The following MAPT variants were observed in gnomAD, a reference collection of about 807,000 sequenced individuals.
MAPT encodes the protein microtubule-associated protein tau.
Under a neutral mutation model 67.9 loss-of-function variants are expected in MAPT, and 34 were observed. The ratio of observed to expected loss-of-function variants is 0.50; its 90% CI spans 0.38 to 0.67. The LOEUF (loss-of-function observed/expected upper bound fraction) is 0.67. Among genes scored for constraint, MAPT ranks in the 30% least tolerant of loss-of-function variants. MAPT has a pLI of 0.00. For synonymous variants in MAPT, 456 were observed against 464.5 expected (o/e 0.98, Z 0.23); for missense variants, 881 against 1,115.2 (o/e 0.79, Z 2.99).
At position 45,950,562 on chromosome 17, in the gene MAPT, A is replaced by ACAC. The variant is rs1395657059; in HGVS notation, c.-17-11757_-17-11755dup. Among the ~76,000 whole-genome samples, 5 of 152,166 alleles carry ACAC rather than the reference A, an allele frequency of 3.3e-5. No homozygotes were observed. The East Asian group carries it at 9.7e-4, about 29-fold the overall frequency. Reference sequence around the variant, plus strand: ...GCCACGCACTCCCCTTCCTGCACACACACCCTTCTCCCTCCACCCCATCTC... The same window carrying ACAC: ...GCCACGCACTCCCCTTCCTGCACACACACCACCCTTCTCCCTCCACCCCATCTC... On this transcript the variant is annotated intron_variant, in intron 1 of 12. Transcript: ENST00000262410.
intron 9 of MAPT, chr17:45,999,187 C>T: frequency 6.6e-7 from 1 of 1,504,998 alleles, no homozygotes. Flanking sequence ...CCATCTCCTC[C>T]AGGAAGTCTT....
intron 9 of MAPT, among the ~76,000 whole-genome samples, chr17:46,005,588 TA>T (rs1439793965): frequency 6.8e-6 from 1 of 146,882 alleles, no homozygotes; most frequent in Non-Finnish European, 1.6e-5. Flanking sequence ...CCATTAAAAC[TA>T]TTTTTTTTTA....
In MAPT at chr17:46,026,185, C is replaced by A. The variant is rs2076800272; in HGVS notation, c.*2014C>A. 1 of 152,526 alleles carries A rather than the reference C, an allele frequency of 6.6e-6. No homozygotes were observed. The highest frequency in any genetic ancestry group is 1.5e-5 in the Non-Finnish European group (1 of 68,040). The allele number at this position is 152,526 out of a possible 1,614,324, so 9.4% of individuals were successfully genotyped here. On this transcript the variant is annotated 3_prime_UTR_variant, in exon 13 of 13. Transcript: ENST00000262410. ...GGTGTCTCTCACCCCCACACTGGGA[C>A]TCGTGTGGCCTGTGTGGTGCCACCC...
chr17:45,953,266 A>G (rs1354914461), intron 1 of MAPT, among the ~76,000 whole-genome samples: 1 of 152,224 alleles, frequency 6.6e-6, no homozygotes, highest in African/African-American at 2.4e-5. Context: ...CTCCAGGGAC[A>G]TCTTTCTGGG....
chr17:45,949,288 C>T (rs974432907), intron 1 of MAPT, among the ~76,000 whole-genome samples: 84 of 152,378 alleles, frequency 5.5e-4, no homozygotes, highest in African/African-American at 2.0e-3. Context: ...GCCGGGGCCG[C>T]TCCACGGCCG....
intron 9 of MAPT, among the ~76,000 whole-genome samples, chr17:46,003,404 T>A (rs1383662807): frequency 6.6e-6 from 1 of 151,998 alleles, no homozygotes; most frequent in Non-Finnish European, 1.5e-5. Context: ...TCAGCCTCCC[T>A]AGTAGCTGGG....
intron 1 of MAPT, among the ~76,000 whole-genome samples, chr17:45,920,993 A>G (rs926563385): frequency 3.3e-5 from 5 of 152,246 alleles, no homozygotes; most frequent in South Asian, 2.1e-4. Context: ...GTTGTACAGC[A>G]TGATGAACAA....
At chr17:45,917,895 T>C (rs1045571007) in intron 1 of MAPT, among the ~76,000 whole-genome samples, 5 of 151,962 alleles carry the variant, frequency 3.3e-5, no homozygotes, top group African/African-American at 1.2e-4. Context: ...TGTCTCGGCC[T>C]CCCGAGCAGC....
chr17:46,026,259 C>A lies in MAPT; in HGVS notation c.*2088C>A, dbSNP rs1360463210. On this transcript the variant is annotated 3_prime_UTR_variant, in exon 13 of 13. Transcript: ENST00000262410. Reference sequence around the variant, plus strand: ...AAGGCTTTCCTCAGCACCTGGGACCCAACAGAGACCAGCTTCTAGCAGCTA... The same window carrying A: ...AAGGCTTTCCTCAGCACCTGGGACCAAACAGAGACCAGCTTCTAGCAGCTA... 1 of 152,652 alleles carries A rather than the reference C, an allele frequency of 6.6e-6. No homozygotes were observed. The highest frequency in any genetic ancestry group is 2.4e-5 in the African/African-American group (1 of 41,426). The allele number at this position is 152,652 out of a possible 1,614,324, so 9.5% of individuals were successfully genotyped here.
At chr17:45,919,913 A>AAAACAAACAAAC (rs901129137) in intron 1 of MAPT, among the ~76,000 whole-genome samples, 5 of 152,278 alleles carry the variant, frequency 3.3e-5, no homozygotes, top group Admixed American at 1.3e-4. Flanking sequence ...ATCCTGTCTC[A>AAAACAAACAAAC]AAACAAACAA....
Position 45,896,153 on chromosome 17 carries a change from C to T in MAPT, c.-18+1467C>T, listed in dbSNP as rs1404060810. On this transcript the variant is annotated intron_variant, in intron 1 of 12. Transcript: ENST00000262410. The surrounding 1 kb of genome is among the most constrained non-coding windows in gnomAD (Gnocchi z 5.6). ...TGGGTTCGATGAACTCGAGTCAACC[C>T]CCCGACCCCCGGCACGCATGGAACG... 6.6e-6 allele frequency: 1 copy of T among 152,152 alleles called. No individual in the cohort carries two copies. The highest frequency in any genetic ancestry group is 1.5e-5 in the Non-Finnish European group (1 of 68,076). 9.4% of individuals were successfully genotyped at this position (152,152 alleles called of 1,614,324 possible). A position where few individuals can be genotyped will look rare whatever the true frequency, so the allele number is the denominator to read the frequency against.
intron 4 of MAPT, among the ~76,000 whole-genome samples, chr17:45,981,037 G>C (rs2072899473): frequency 6.6e-6 from 1 of 152,214 alleles, no homozygotes; most frequent in African/African-American, 2.4e-5. Context: ...GGGCCCATGA[G>C]CATGGCCAGT....
At chr17:45,974,546 AG>A in intron 3 of MAPT, 1 of 1,210,368 alleles carries the variant, frequency 8.3e-7, no homozygotes, top group Non-Finnish European at 1.2e-6. Flanking sequence ...GACAGAAGTG[AG>A]GGAGCTTTGC....
chr17:46,019,405 C>G (rs988661342), intron 12 of MAPT, among the ~76,000 whole-genome samples: 1 of 152,134 alleles, frequency 6.6e-6, no homozygotes, highest in African/African-American at 2.4e-5. Flanking sequence ...CTCCCTCTGT[C>G]ATCCAGGCTG....
chr17:46,015,150 G>A (rs1248431416), intron 11 of MAPT, among the ~76,000 whole-genome samples: 1 of 151,998 alleles, frequency 6.6e-6, no homozygotes, highest in East Asian at 1.9e-4. Flanking sequence ...AGGCTGAGGT[G>A]GGCGTTTGAG....
chr17:45,954,909 G>A (rs2069461203), intron 1 of MAPT, among the ~76,000 whole-genome samples: 2 of 152,134 alleles, frequency 1.3e-5, no homozygotes, highest in South Asian at 4.1e-4. Context: ...TCTTGAACCC[G>A]GGAGGTGGAG....
chr17:46,018,621 G>A lies in MAPT; in HGVS notation c.2177G>A (p.Gly726Asp). Residue 726 changes from glycine to aspartate, a missense_variant, in exon 12 of 13, where the codon GGT becomes GAT. By Grantham distance (94) the Gly-to-Asp change is moderately conservative. Around this residue, in one of 6 missense-constraint regions of MAPT, gnomAD observed 79 missense variants for 150.9 expected, o/e 0.52. Transcript: ENST00000262410. ...SLGNIHHKPGGGQVEVKSEKL... is the reference protein window; with the variant it reads ...SLGNIHHKPGDGQVEVKSEKL... ...TCTTGTGTGTGTTGTGTTCTAGGAGGTGGCCAGGTGGAAGTAAAATCTGAG... is the reference window on the plus strand; with the variant it reads ...TCTTGTGTGTGTTGTGTTCTAGGAGATGGCCAGGTGGAAGTAAAATCTGAG... The A allele has an allele frequency of 1.2e-6, 2 of 1,609,542 alleles. No individual in the cohort carries two copies. Among genetic ancestry groups the A allele is most frequent in the African/African-American group, 1.3e-5 (1 of 74,948 alleles).
intron 1 of MAPT, among the ~76,000 whole-genome samples, chr17:45,920,246 A>G (rs1166527110): frequency 6.6e-6 from 1 of 152,134 alleles, no homozygotes; most frequent in Non-Finnish European, 1.5e-5. Flanking sequence ...TCCTCCTGTC[A>G]CCTGGCTGGT....
intron 1 of MAPT, among the ~76,000 whole-genome samples, chr17:45,951,585 C>T (rs2069086421): frequency 6.6e-6 from 1 of 152,118 alleles, no homozygotes; most frequent in Non-Finnish European, 1.5e-5. Flanking sequence ...CCCCCACCCT[C>T]CAGATTTCCG....
Sources: gnomAD v4.1 joint callset for allele counts (sites outside exome capture counted in the v4.1 genomes callset) on GRCh38, gnomAD v4.1.1 for gene constraint, gnomAD v4.1.1 regional missense constraint, Gnocchi (gnomAD v3.1) non-coding constraint, MANE v1.5 for transcripts, NCBI Gene and HGNC (gene_info 2026-07-23, HGNC 2026-07-21) for gene names.